The following COG6 variants were observed in gnomAD, a reference collection of about 807,000 sequenced individuals.
The protein encoded by COG6 is component of oligomeric golgi complex 6.
COG6 carries 74 observed loss-of-function variants against 88.8 expected under a neutral mutation model. The observed-to-expected ratio is 0.83, with a 90% CI of 0.69 to 1.01. The LOEUF (loss-of-function observed/expected upper bound fraction) is 1.01, where lower values mean the gene tolerates loss of function less well. Ranked by LOEUF, COG6 falls within the 50% of genes least tolerant of loss-of-function variation. COG6 has a pLI of 0.00. For synonymous variants in COG6, 286 were observed against 278.7 expected (o/e 1.03, Z -0.26); for missense variants, 800 against 797.9 (o/e 1.00, Z -0.03).
At chr13:39,789,343 T>C (rs1046210511) in exon 19 of COG6, 1 of 152,270 alleles carries the variant, frequency 6.6e-6, no homozygotes, top group African/African-American at 2.4e-5. Context: ...GATTTTGTTG[T>C]TAAGAATCAT....
intron 12 of COG6, among the ~76,000 whole-genome samples, chr13:39,697,797 C>T (rs182618019): frequency 6.6e-6 from 1 of 151,958 alleles, no homozygotes; most frequent in Non-Finnish European, 1.5e-5. Flanking sequence ...TTTTGGGTAT[C>T]CCTGATTCTT....
At chr13:39,749,853 G>A (rs1880528969) in intron 18 of COG6, among the ~76,000 whole-genome samples, 1 of 152,172 alleles carries the variant, frequency 6.6e-6, no homozygotes, top group Non-Finnish European at 1.5e-5. Flanking sequence ...ACCAAAAGAG[G>A]CTACTGAAGC....
At chr13:39,659,170 C>G (rs1874726957) in intron 1 of COG6, among the ~76,000 whole-genome samples, 194 bp from the exon 2 acceptor site, 1 of 152,078 alleles carries the variant, frequency 6.6e-6, no homozygotes, top group Non-Finnish European at 1.5e-5. Flanking sequence ...ATATATAACA[C>G]TATACACAAG....
chr13:39,750,537 A>T (rs889060803), intron 18 of COG6, among the ~76,000 whole-genome samples: 2 of 152,192 alleles, frequency 1.3e-5, no homozygotes, highest in Non-Finnish European at 2.9e-5. Flanking sequence ...TTCCTGAGAG[A>T]TAAAAGTGTT....
At chr13:39,746,172 T>C (rs1319489866) in intron 18 of COG6, among the ~76,000 whole-genome samples, 1 of 151,850 alleles carries the variant, frequency 6.6e-6, no homozygotes, top group African/African-American at 2.4e-5. Flanking sequence ...ACATGGCACG[T>C]GTATACCTAT....
chr13:39,655,747 A>C lies in COG6; in HGVS notation c.21A>C (p.Glu7Asp), dbSNP rs1418747793. MAEGSG[E>D]VVAVSATGAA... ...GCGCTATGGCAGAGGGCAGCGGGGA[A>C]GTGGTCGCAGTGTCTGCGACCGGGG... is the stretch of plus-strand genomic sequence containing the variant. Residue 7 changes from glutamate to aspartate, a missense_variant, in exon 1 of 19, where the codon GAA becomes GAC. Transcript: ENST00000455146. 3 of 1,595,008 alleles carry C rather than the reference A, an allele frequency of 1.9e-6. No homozygotes were observed. The highest frequency in any genetic ancestry group is 2.3e-5 in the South Asian group (2 of 88,638).
At chr13:39,719,136 C>T in intron 13 of COG6, 100 bp from the exon 14 acceptor site, 1 of 1,098,634 alleles carries the variant, frequency 9.1e-7, no homozygotes, top group Non-Finnish European at 1.3e-6. Flanking sequence ...TGAGTCTGTG[C>T]TTTATAACTT....
intron 18 of COG6, among the ~76,000 whole-genome samples, chr13:39,759,848 C>T (rs762762642): frequency 2.0e-5 from 3 of 152,058 alleles, no homozygotes; most frequent in Non-Finnish European, 4.4e-5. Context: ...ACTAAGCTTA[C>T]AAAAATTAGC....
chr13:39,761,247 A>G (rs1881001343), intron 18 of COG6, among the ~76,000 whole-genome samples: 1 of 152,096 alleles, frequency 6.6e-6, no homozygotes, highest in African/African-American at 2.4e-5. Flanking sequence ...TAAGAAATTT[A>G]TAGTTCTTGT....
chr13:39,751,401 T>G lies in COG6; in HGVS notation c.*308T>G. The stretch of plus-strand genomic sequence containing the variant: ...AAGTAGTATGAAAGGTTTGAAGAAT[T>G]TTTTTTTACAAGACTAGTTCTAAAT... On this transcript the variant is annotated 3_prime_UTR_variant, in exon 19 of 19. Transcript: ENST00000455146. 7.6e-7 allele frequency: 1 copy of G among 1,322,826 alleles called. No individual in the cohort carries two copies. The highest frequency in any genetic ancestry group is 9.8e-7 in the Non-Finnish European group (1 of 1,018,512). 81.9% of individuals were successfully genotyped at this position (1,322,826 alleles called of 1,614,324 possible).
intron 15 of COG6, among the ~76,000 whole-genome samples, chr13:39,722,529 T>G (rs1226728118): frequency 6.6e-6 from 1 of 150,440 alleles, no homozygotes; most frequent in East Asian, 2.0e-4. Flanking sequence ...CAGTGTACTA[T>G]GTCATTAGCA....
intron 15 of COG6, among the ~76,000 whole-genome samples, chr13:39,722,657 GGAATGTTTC>G (rs1210664061): frequency 4.6e-5 from 7 of 151,650 alleles, no homozygotes; most frequent in Non-Finnish European, 1.0e-4. Context: ...TTCTCACCAG[GGAATGTTTC>G]AACCCATCAA....
rs1453594193 is a variant in COG6, at chr13:39,751,234, T to C, written c.*141T>C. The stretch of plus-strand genomic sequence containing the variant: ...AGATTGTAAGTCCCGATAATTTTTT[T>C]TTTTTTGGTCTCAGTAACAGGGAAG... On this transcript the variant is annotated 3_prime_UTR_variant, in exon 19 of 19. Coordinates refer to ENST00000455146, the MANE Select transcript of COG6 (RefSeq NM_020751.3). 2.3e-5 allele frequency: 35 copies of C among 1,517,228 alleles called. No homozygotes were observed. Among genetic ancestry groups the C allele is most frequent in the Non-Finnish European group, 3.1e-5 (35 of 1,138,022 alleles). 94.0% of individuals were successfully genotyped at this position (1,517,228 alleles called of 1,614,324 possible). A position where few individuals can be genotyped will look rare whatever the true frequency, so the allele number is the denominator to read the frequency against.
chr13:39,750,009 G>A (rs553927110), intron 18 of COG6, among the ~76,000 whole-genome samples: 2 of 152,284 alleles, frequency 1.3e-5, no homozygotes, highest in African/African-American at 4.8e-5. Context: ...CTCCAGGCAA[G>A]AGGTCATTTT....
At chr13:39,686,043 G>A (rs969779069) in intron 8 of COG6, among the ~76,000 whole-genome samples, 2 of 152,016 alleles carry the variant, frequency 1.3e-5, no homozygotes, top group Admixed American at 6.5e-5. Context: ...GAAATAAACC[G>A]TCTTTCACAT....
At chr13:39,728,926 G>A (rs866788192) in intron 18 of COG6, among the ~76,000 whole-genome samples, 76 of 152,234 alleles carry the variant, frequency 5.0e-4, no homozygotes, top group African/African-American at 1.7e-3. Context: ...GCCTCCCAAA[G>A]TGCTGGGATT....
At chr13:39,658,004 G>C (rs1343264299) in intron 1 of COG6, among the ~76,000 whole-genome samples, 2 of 150,478 alleles carry the variant, frequency 1.3e-5, no homozygotes, top group Non-Finnish European at 2.9e-5. Flanking sequence ...TCTCACTAAA[G>C]AACGTCACCA....
At chr13:39,750,362 T>C (rs1178819142) in intron 18 of COG6, among the ~76,000 whole-genome samples, 1 of 152,184 alleles carries the variant, frequency 6.6e-6, no homozygotes, top group East Asian at 1.9e-4. Flanking sequence ...CAGGACTCAT[T>C]CTTTATGTGC....
chr13:39,752,859 G>A (rs1031760964), downstream of COG6, among the ~76,000 whole-genome samples: 4 of 152,156 alleles, frequency 2.6e-5, no homozygotes, highest in African/African-American at 4.8e-5. Flanking sequence ...TCCATAGTTT[G>A]CATTTTGAAC....
Sources: allele counts gnomAD v4.1 joint callset (sites outside exome capture counted in the v4.1 genomes callset), GRCh38; gene constraint gnomAD v4.1.1; transcripts MANE v1.5; gene names NCBI Gene and HGNC (gene_info 2026-07-23, HGNC 2026-07-21).